KIAA1217: variants seen among roughly 807,000 people sequenced by gnomAD.
KIAA1217 encodes the protein sickle tail protein homolog.
Under a neutral mutation model 163.9 loss-of-function variants are expected in KIAA1217, and 88 were observed. The observed-to-expected ratio is 0.54, with a 90% CI of 0.45 to 0.64. The LOEUF (loss-of-function observed/expected upper bound fraction) is 0.64. KIAA1217 is among the 30% of genes least tolerant of loss of function. KIAA1217 has a pLI of 0.00. For missense variants in KIAA1217, 2,372 were observed against 2,475.0 expected, an observed-to-expected ratio of 0.96 and a Z score of 0.88; for synonymous variants, 903 against 923.1, an observed-to-expected ratio of 0.98 and a Z score of 0.39.
At chr10:24,466,478 A>C in intron 5 of KIAA1217, 1 of 981,496 alleles carries the variant, frequency 1.0e-6, no homozygotes, top group Non-Finnish European at 1.2e-6. Flanking sequence ...TCAGTGACTA[A>C]TTTCCAAGGG....
chr10:23,976,102 C>T (rs752242217), intron 1 of KIAA1217, among the ~76,000 whole-genome samples: 1 of 152,184 alleles, frequency 6.6e-6, no homozygotes, highest in Non-Finnish European at 1.5e-5. Flanking sequence ...ATTTCATCCT[C>T]TCACTTTTTG....
chr10:24,372,267 G>A (rs1486899083), intron 2 of KIAA1217, among the ~76,000 whole-genome samples: 1 of 152,102 alleles, frequency 6.6e-6, no homozygotes, highest in East Asian at 1.9e-4. Context: ...CTAGAACTAG[G>A]GGTTTATATA....
chr10:23,862,352 A>G (rs1247268934), intron 1 of KIAA1217, among the ~76,000 whole-genome samples: 1 of 152,176 alleles, frequency 6.6e-6, no homozygotes, highest in Non-Finnish European at 1.5e-5. Context: ...TTTAAAATAA[A>G]GAATTGGAGG....
At chr10:24,035,018 C>A (rs1358901891) in intron 2 of KIAA1217, among the ~76,000 whole-genome samples, 1 of 152,212 alleles carries the variant, frequency 6.6e-6, no homozygotes, top group Non-Finnish European at 1.5e-5. Flanking sequence ...GACTGAACAG[C>A]CAGTCTGTGT....
chr10:24,518,862 G>A (rs190327439), intron 10 of KIAA1217, among the ~76,000 whole-genome samples: 38 of 152,282 alleles, frequency 2.5e-4, no homozygotes, highest in African/African-American at 8.9e-4. Context: ...TCCTGAAGTA[G>A]CATCATTTCA....
intron 17 of KIAA1217, 30 bp from the exon 18 acceptor site, chr10:24,542,663 G>C: frequency 6.2e-7 from 1 of 1,605,472 alleles, no homozygotes; most frequent in Non-Finnish European, 8.5e-7. Flanking sequence ...GTGGTTTTGT[G>C]GAGTAACATG....
intron 1 of KIAA1217, among the ~76,000 whole-genome samples, chr10:23,811,485 A>G (rs1446891622): frequency 6.6e-6 from 1 of 151,824 alleles, no homozygotes; most frequent in Non-Finnish European, 1.5e-5. Context: ...CATTATATTA[A>G]GATATGTTCA....
intron 1 of KIAA1217, among the ~76,000 whole-genome samples, chr10:23,723,261 G>T (rs900848495): frequency 2.0e-5 from 3 of 151,984 alleles, no homozygotes; most frequent in African/African-American, 4.8e-5. Flanking sequence ...TGTGCTTTTG[G>T]GATGATTGTA....
intron 1 of KIAA1217, among the ~76,000 whole-genome samples, chr10:23,699,451 C>CT (rs1836278023): frequency 6.6e-6 from 1 of 152,122 alleles, no homozygotes; most frequent in African/African-American, 2.4e-5. Flanking sequence ...TATTGGTGCT[C>CT]CTTTTGACTG....
At chr10:24,399,759 G>C (rs2056300690) in intron 3 of KIAA1217, among the ~76,000 whole-genome samples, 1 of 152,202 alleles carries the variant, frequency 6.6e-6, no homozygotes, top group Non-Finnish European at 1.5e-5. Context: ...ATGAGTATCA[G>C]AAGATTTCTA....
chr10:24,421,501 T>A (rs1027205430), intron 3 of KIAA1217, among the ~76,000 whole-genome samples: 2 of 152,188 alleles, frequency 1.3e-5, no homozygotes, highest in African/African-American at 4.8e-5. Context: ...CCATATTGCC[T>A]TTATTTCTTT....
Position 24,363,790 on chromosome 10 carries a change from T to G in KIAA1217, c.355-17079T>G, listed in dbSNP as rs370443287. On this transcript the variant is annotated intron_variant, in intron 2 of 20. Coordinates refer to ENST00000376454, the MANE Select transcript of KIAA1217 (RefSeq NM_019590.5). ...TCTCATTGTGTTGCCCAAGCTGGTT[T>G]TGCACACCTGACCTCAAGCACTCAG... Among the ~76,000 whole-genome samples the G allele has an allele frequency of 4.6e-5, 7 of 152,032 alleles. No homozygotes were observed. The South Asian group carries it at 1.2e-3, about 27-fold the overall frequency.
chr10:24,168,199 C>T (rs2065449060), intron 2 of KIAA1217, among the ~76,000 whole-genome samples: 1 of 152,110 alleles, frequency 6.6e-6, no homozygotes, highest in African/African-American at 2.4e-5. Context: ...TTGAATTATT[C>T]ATCACAATGA....
chr10:24,057,961 C>T (rs1403829293), intron 2 of KIAA1217, among the ~76,000 whole-genome samples: 1 of 152,160 alleles, frequency 6.6e-6, no homozygotes, highest in Non-Finnish European at 1.5e-5. Flanking sequence ...TTGTCATTTC[C>T]ATTAAATCAT....
intron 1 of KIAA1217, among the ~76,000 whole-genome samples, chr10:23,994,156 C>T (rs1846357710): frequency 6.6e-6 from 1 of 152,140 alleles, no homozygotes; most frequent in African/African-American, 2.4e-5. Flanking sequence ...GTGCTGTGTT[C>T]CTGACCTGGC....
intron 2 of KIAA1217, among the ~76,000 whole-genome samples, chr10:24,031,049 T>G (rs1049424564): frequency 1.9e-4 from 29 of 152,190 alleles, no homozygotes; most frequent in South Asian, 2.1e-4. Context: ...TCCCGACAAA[T>G]GGAATTGCTG....
At chr10:24,070,787 GA>G (rs1339115188) in intron 2 of KIAA1217, among the ~76,000 whole-genome samples, 1 of 151,950 alleles carries the variant, frequency 6.6e-6, no homozygotes, top group Non-Finnish European at 1.5e-5. Flanking sequence ...GAAAGGTTGC[GA>G]AAAGGGGAAA....
intron 1 of KIAA1217, among the ~76,000 whole-genome samples, chr10:23,764,523 A>G (rs1240179473): frequency 1.3e-5 from 2 of 152,238 alleles, no homozygotes; most frequent in Non-Finnish European, 2.9e-5. Context: ...TATTTACAAT[A>G]GCAAAAACAT....
intron 1 of KIAA1217, among the ~76,000 whole-genome samples, chr10:23,728,437 A>G (rs1838289098): frequency 6.7e-6 from 1 of 150,266 alleles, no homozygotes; most frequent in Non-Finnish European, 1.5e-5. Flanking sequence ...TTTTTTCCAT[A>G]TGTTTGTTGG....
Sources: allele counts gnomAD v4.1 joint callset (sites outside exome capture counted in the v4.1 genomes callset), GRCh38; gene constraint gnomAD v4.1.1; transcripts MANE v1.5; gene names NCBI Gene and HGNC (gene_info 2026-07-23, HGNC 2026-07-21).